Variants in ABHD17C observed in about 807,000 individuals in gnomAD.
ABHD17C encodes the protein abhydrolase domain containing 17C, depalmitoylase.
In ABHD17C, 11 loss-of-function variants were observed where a neutral mutation model predicts 27.9. The observed-to-expected ratio is 0.39, with a 90% CI of 0.25 to 0.65. The LOEUF (loss-of-function observed/expected upper bound fraction) is 0.65. Among genes scored for constraint, ABHD17C ranks in the 30% least tolerant of loss-of-function variants. The pLI is 0.45. For synonymous variants in ABHD17C, 233 were observed against 209.1 expected (o/e 1.11, Z -0.98); for missense variants, 280 against 470.2 (o/e 0.60, Z 3.74).
At chr15:80,703,791 A>G (rs1305220584) in intron 1 of ABHD17C, among the ~76,000 whole-genome samples, 2 of 152,216 alleles carry the variant, frequency 1.3e-5, no homozygotes, top group African/African-American at 4.8e-5. Context: ...TTATACATTT[A>G]TATACAGCTA....
At chr15:80,731,095 G>C (rs554168647) in intron 1 of ABHD17C, among the ~76,000 whole-genome samples, 2 of 152,174 alleles carry the variant, frequency 1.3e-5, no homozygotes, top group South Asian at 2.1e-4. Flanking sequence ...AGTCCCCGTC[G>C]TCTGTGTGGA....
In ABHD17C at chr15:80,755,105, T is replaced by G. The variant is rs1895416120; in HGVS notation, c.*735T>G. On this transcript the variant is annotated 3_prime_UTR_variant, in exon 3 of 3. Transcript: ENST00000258884. ...CTCCTTGTAGGCTTTTTTAAAGTAC[T>G]GTACATATTTGCAATCACATTGTGC... 1 of 152,232 alleles carries G rather than the reference T, an allele frequency of 6.6e-6. No homozygotes were observed. The highest frequency in any genetic ancestry group is 1.5e-5 in the Non-Finnish European group (1 of 68,050). The allele number at this position is 152,232 out of a possible 1,614,324, so 9.4% of individuals were successfully genotyped here.
chr15:80,709,098 G>T (rs1436504930), intron 1 of ABHD17C, among the ~76,000 whole-genome samples: 1 of 152,106 alleles, frequency 6.6e-6, no homozygotes, highest in African/African-American at 2.4e-5. Context: ...CTTGCAGTTT[G>T]TATCATACCA....
intron 1 of ABHD17C, among the ~76,000 whole-genome samples, chr15:80,721,722 T>C (rs924110016): frequency 2.6e-5 from 4 of 152,178 alleles, no homozygotes; most frequent in African/African-American, 9.6e-5. Flanking sequence ...GTTTCCTCTG[T>C]GCAGCGTAAG....
At position 80,695,996 on chromosome 15, in the gene ABHD17C, C is replaced by T; in HGVS notation, c.567C>T (p.Ala189=). ...SEKNLYADID[A]AWQALRTRYG... ...AGAACCTCTACGCCGACATCGACGC[C>T]GCGTGGCAGGCGCTGCGCACCCGGT... is the stretch of plus-strand genomic sequence containing the variant. Residue 189 remains alanine, a synonymous_variant, in exon 1 of 3, where the codon GCC becomes GCT. Coordinates refer to ENST00000258884, the MANE Select transcript of ABHD17C (RefSeq NM_021214.2). This position sits in a 1 kb window ranked among gnomAD's most constrained non-coding sequence, Gnocchi z 4.3. The T allele has an allele frequency of 1.3e-6, 2 of 1,580,624 alleles. No individual in the cohort carries two copies. The highest frequency in any genetic ancestry group is 1.7e-6 in the Non-Finnish European group (2 of 1,171,324).
At chr15:80,728,243 A>G (rs1045819572) in intron 1 of ABHD17C, among the ~76,000 whole-genome samples, 6 of 152,206 alleles carry the variant, frequency 3.9e-5, no homozygotes, top group Admixed American at 2.0e-4. Context: ...GCTGTTAAGG[A>G]GAGTGACTGT....
chr15:80,741,460 C>T (rs1445971282), intron 1 of ABHD17C, among the ~76,000 whole-genome samples: 1 of 151,132 alleles, frequency 6.6e-6, no homozygotes. Flanking sequence ...ACTTCCTATT[C>T]ACTTAAAGGA....
chr15:80,731,548 T>G (rs1311508979), intron 1 of ABHD17C, among the ~76,000 whole-genome samples: 1 of 152,112 alleles, frequency 6.6e-6, no homozygotes, highest in East Asian at 1.9e-4. Context: ...ACCTTCTACC[T>G]CACCAGCAAG....
chr15:80,716,648 A>T (rs938935287), intron 1 of ABHD17C, among the ~76,000 whole-genome samples: 2 of 152,168 alleles, frequency 1.3e-5, no homozygotes, highest in African/African-American at 4.8e-5. Context: ...AGATACTTGG[A>T]AACTGCTGGT....
chr15:80,707,384 C>A (rs1331851526), intron 1 of ABHD17C, among the ~76,000 whole-genome samples: 1 of 152,196 alleles, frequency 6.6e-6, no homozygotes, highest in Non-Finnish European at 1.5e-5. Context: ...TGCAGTCTTT[C>A]TTCCTGCAGT....
In ABHD17C at chr15:80,696,027, T is replaced by A; in HGVS notation, c.590+8T>A. The A allele has an allele frequency of 6.4e-7, 1 of 1,554,702 alleles. No homozygotes were observed. Among genetic ancestry groups the A allele is most frequent in the Non-Finnish European group, 8.6e-7 (1 of 1,156,420 alleles). ...GCAGGCGCTGCGCACCCGGTGAGCC[T>A]GCCGGGGTCGCCAGGCCTGACTTCC... is the stretch of plus-strand genomic sequence containing the variant. On this transcript the variant is annotated splice_region_variant and intron_variant, in intron 1 of 2. Coordinates refer to ENST00000258884, the MANE Select transcript of ABHD17C (RefSeq NM_021214.2).
chr15:80,712,163 G>A (rs1410855327), intron 1 of ABHD17C, among the ~76,000 whole-genome samples: 1 of 152,194 alleles, frequency 6.6e-6, no homozygotes, highest in Non-Finnish European at 1.5e-5. Context: ...TCCTCCGTTG[G>A]AATGTGATCT....
intron 2 of ABHD17C, among the ~76,000 whole-genome samples, 157 bp from the exon 3 acceptor site, chr15:80,753,994 T>C (rs921701165): frequency 6.6e-6 from 1 of 152,062 alleles, no homozygotes; most frequent in Non-Finnish European, 1.5e-5. Flanking sequence ...AAAGATAAAG[T>C]CCTTAATTTA....
At chr15:80,722,531 T>A (rs1386416644) in intron 1 of ABHD17C, among the ~76,000 whole-genome samples, 1 of 151,970 alleles carries the variant, frequency 6.6e-6, no homozygotes, top group Non-Finnish European at 1.5e-5. Flanking sequence ...ACTCCAGAAG[T>A]TTTCTCTTGC....
At chr15:80,727,395 C>T (rs1006643840) in intron 1 of ABHD17C, among the ~76,000 whole-genome samples, 9 of 152,182 alleles carry the variant, frequency 5.9e-5, no homozygotes, top group Non-Finnish European at 1.3e-4. Flanking sequence ...CATGGTGCTT[C>T]TGTTAAAGAA....
chr15:80,742,144 A>T (rs983284620), intron 1 of ABHD17C, among the ~76,000 whole-genome samples: 1 of 152,188 alleles, frequency 6.6e-6, no homozygotes, highest in East Asian at 1.9e-4. Flanking sequence ...CTGTATATAC[A>T]TATATAAGAG....
chr15:80,722,090 C>G (rs1894904690), intron 1 of ABHD17C, among the ~76,000 whole-genome samples: 1 of 152,024 alleles, frequency 6.6e-6, no homozygotes, highest in Non-Finnish European at 1.5e-5. Context: ...TATAGCATGT[C>G]CTGGACAGAG....
At chr15:80,709,727 C>T (rs1175591549) in intron 1 of ABHD17C, among the ~76,000 whole-genome samples, 1 of 152,146 alleles carries the variant, frequency 6.6e-6, no homozygotes, top group Non-Finnish European at 1.5e-5. Context: ...CTCCACCCTG[C>T]ACCACTCTGC....
intron 1 of ABHD17C, among the ~76,000 whole-genome samples, chr15:80,740,487 C>G (rs1283703509): frequency 6.6e-6 from 1 of 152,050 alleles, no homozygotes; most frequent in African/African-American, 2.4e-5. Flanking sequence ...ACTCCCGGGA[C>G]TGGGAGTTGA....
Sources: allele counts gnomAD v4.1 joint callset (sites outside exome capture counted in the v4.1 genomes callset), GRCh38; gene constraint gnomAD v4.1.1; non-coding constraint Gnocchi (gnomAD v3.1); transcripts MANE v1.5; gene names NCBI Gene and HGNC (gene_info 2026-07-23, HGNC 2026-07-21).